The following CDON variants were observed in gnomAD, a reference collection of about 807,000 sequenced individuals.
CDON encodes cell adhesion associated, oncogene regulated.
In CDON, 73 loss-of-function variants were observed where a neutral mutation model predicts 120.9. That is an observed-to-expected ratio of 0.60 (90% CI 0.50 to 0.73). CDON has a LOEUF of 0.73. Ranked by LOEUF, CDON falls within the 30% of genes least tolerant of loss-of-function variation. The probability of loss-of-function intolerance (pLI) is 0.00; values close to 1 mark genes in which losing one functional copy is unlikely to be tolerated. For missense variants in CDON, 1,470 were observed against 1,587.3 expected (o/e 0.93, Z 1.26); for synonymous variants, 566 against 573.5 (o/e 0.99, Z 0.19).
At chr11:126,048,142 T>C (rs1948450672) in intron 1 of CDON, among the ~76,000 whole-genome samples, 1 of 151,930 alleles carries the variant, frequency 6.6e-6, no homozygotes, top group African/African-American at 2.4e-5. Flanking sequence ...CCAGGCATGG[T>C]GGCACACACC....
At chr11:125,964,776 T>C (rs976044169) in intron 18 of CDON, among the ~76,000 whole-genome samples, 3 of 152,304 alleles carry the variant, frequency 2.0e-5, no homozygotes, top group African/African-American at 7.2e-5. Flanking sequence ...TTCTTCCATA[T>C]TGCATCAGAC....
chr11:126,004,178 G>T (rs1051649458), intron 9 of CDON, 102 bp from the exon 10 acceptor site: 61 of 1,186,254 alleles, frequency 5.1e-5, no homozygotes, highest in Non-Finnish European at 6.7e-5. Flanking sequence ...AATTCTAGAA[G>T]AGTTTTAAGA....
At chr11:126,019,264 CA>C (rs751926428) in intron 4 of CDON, among the ~76,000 whole-genome samples, 6 of 152,048 alleles carry the variant, frequency 3.9e-5, no homozygotes, top group Non-Finnish European at 5.9e-5. Flanking sequence ...AAAAGACAAA[CA>C]ATAATAAACT....
chr11:126,010,461 A>G lies in CDON; in HGVS notation c.1432T>C (p.Ser478Pro). 2 of 1,614,096 alleles carry G rather than the reference A, an allele frequency of 1.2e-6. No homozygotes were observed. Among genetic ancestry groups the G allele is most frequent in the Non-Finnish European group, 1.7e-6 (2 of 1,179,990 alleles). The stretch of plus-strand genomic sequence containing the variant: ...TGGAGAGAGCTTGCACCAGCTTGGG[A>G]CAGGACGAAGTACACAGGCTCCAGG... ...LNLEPVYFVL[S>P]QAGASSLHIQ... Residue 478 changes from serine to proline, a missense_variant, in exon 8 of 20, where the codon TCC (serine) becomes CCC (proline). Transcript: ENST00000531738.
Position 125,981,048 on chromosome 11 carries a change from C to T in CDON, c.3276+1G>A. 1 of 1,613,604 alleles carries T rather than the reference C, an allele frequency of 6.2e-7. No homozygotes were observed. Among genetic ancestry groups the T allele is most frequent in the Non-Finnish European group, 8.5e-7 (1 of 1,179,808 alleles). On this transcript the variant is annotated splice_donor_variant, in intron 17 of 19. Coordinates refer to ENST00000531738, the MANE Select transcript of CDON (RefSeq NM_001378964.1). LOFTEE classifies it high-confidence loss of function. ...CTTTTATTTATAGTTAGGTCTCTTA[C>T]ATTCACTAGATGATGAGGATGTTCA... is the stretch of plus-strand genomic sequence containing the variant.
intron 16 of CDON, among the ~76,000 whole-genome samples, chr11:125,982,308 T>C (rs552984): frequency 0.28 from 42,368 of 152,072 alleles, 6,337 homozygotes; most frequent in African/African-American, 0.38. Flanking sequence ...TACAAATGAC[T>C]GCCTCAAAAC....
chr11:126,049,740 CA>C (rs1197156917), intron 1 of CDON, among the ~76,000 whole-genome samples: 2 of 152,194 alleles, frequency 1.3e-5, no homozygotes, highest in Non-Finnish European at 2.9e-5. Context: ...TGTTGTAACA[CA>C]TCCAAGAAAT....
chr11:126,004,055 G>C lies in CDON; in HGVS notation c.1873C>G (p.Leu625Val). 6.2e-7 allele frequency: 1 copy of C among 1,613,834 alleles called. No individual in the cohort carries two copies. Among genetic ancestry groups the C allele is most frequent in the Non-Finnish European group, 8.5e-7 (1 of 1,179,980 alleles). The change falls in exon 10 of 20, where the codon CTG becomes GTG. Residue 625 changes from leucine (L) to valine (V), a missense_variant. Leu to Val is a conservative substitution (Grantham distance 32, BLOSUM62 1). Coordinates refer to ENST00000531738, the MANE Select transcript of CDON (RefSeq NM_001378964.1). The stretch of plus-strand genomic sequence containing the variant: ...ACTCGAACCGTGTGCCAGCTTCCCA[G>C]CATGCCAACCCCATCATCCAGCTGC... The part of the protein sequence containing the change: ...YRKLDDGVGM[L>V]GSWHTVRVPG...
rs556893892 is a variant in CDON, at chr11:126,025,295, G to C, written c.-61-1758C>G. ...TGGTCTCAAACATCGATGAGAAGCA[G>C]AGTAAGATGAGACACCATCAGAAAG... On this transcript the variant is annotated intron_variant, in intron 1 of 19. Transcript: ENST00000531738. Among the ~76,000 whole-genome samples, 3 of 152,290 alleles carry C rather than the reference G, an allele frequency of 2.0e-5. No individual in the cohort carries two copies. In the South Asian group the frequency reaches 6.2e-4, roughly 32 times the overall value.
Position 125,994,315 on chromosome 11 carries a change from A to G in CDON, c.2619T>C (p.Asn873=), listed in dbSNP as rs772022299. Residue 873 remains asparagine, a synonymous_variant, in exon 14 of 20, where the codon AAT becomes AAC. Coordinates refer to ENST00000531738, the MANE Select transcript of CDON (RefSeq NM_001378964.1). ...CAACATCCCTCTTGTAATCACTGTC[A>G]TTGTCACTATCTGTTGGTCGGTAAT... ...YIYYRPTDSD[N]DSDYKRDVVE... is the part of the protein sequence containing the mutation. The G allele has an allele frequency of 4.4e-6, 7 of 1,601,538 alleles. No homozygotes were observed. Among genetic ancestry groups the G allele is most frequent in the Non-Finnish European group, 6.0e-6 (7 of 1,168,710 alleles).
At chr11:126,019,820 C>G in intron 3 of CDON, 55 bp from the exon 4 acceptor site, 2 of 1,518,050 alleles carry the variant, frequency 1.3e-6, no homozygotes, top group Non-Finnish European at 1.8e-6. Context: ...AATTCTTTTT[C>G]CCAAAGGAAA....
chr11:126,055,583 C>T (rs2043436), intron 1 of CDON, among the ~76,000 whole-genome samples: 23,459 of 152,114 alleles, frequency 0.15, 2,174 homozygotes, highest in East Asian at 0.28. Context: ...TCTCTGATAC[C>T]GGCCTTTCTC....
chr11:126,002,976 G>A (rs12276947), intron 10 of CDON, among the ~76,000 whole-genome samples: 45,297 of 151,872 alleles, frequency 0.3, 7,203 homozygotes, highest in East Asian at 0.53. Context: ...CTTTCTCTAG[G>A]GAGACACGTG....
intron 17 of CDON, 56 bp from the exon 18 acceptor site, chr11:125,978,439 TCA>T: frequency 2.7e-6 from 3 of 1,106,574 alleles, no homozygotes; most frequent in Non-Finnish European, 4.1e-6. Context: ...CTGAAGGTAC[TCA>T]CAGACCAGTA....
intron 3 of CDON, 77 bp from the exon 4 acceptor site, chr11:126,019,842 G>A (rs1290350908): frequency 1.5e-6 from 2 of 1,335,272 alleles, no homozygotes; most frequent in Non-Finnish European, 2.1e-6. Flanking sequence ...TTACAAATTA[G>A]AAACAACATC....
chr11:125,973,063 G>T (rs1946050947), intron 18 of CDON, among the ~76,000 whole-genome samples: 1 of 117,750 alleles, frequency 8.5e-6, no homozygotes, highest in Admixed American at 1.1e-4. Flanking sequence ...GACTCATTCA[G>T]ACTCATCTCC....
chr11:125,964,903 T>G (rs1454691892), intron 18 of CDON, among the ~76,000 whole-genome samples: 1 of 152,212 alleles, frequency 6.6e-6, no homozygotes, highest in East Asian at 1.9e-4. Context: ...CCTATATGGC[T>G]GCCACGTTTT....
chr11:126,033,306 T>A (rs1318583142), intron 1 of CDON, among the ~76,000 whole-genome samples: 2 of 151,748 alleles, frequency 1.3e-5, no homozygotes, highest in African/African-American at 4.8e-5. Context: ...TGGAGGTAAG[T>A]GGGGTTCTAA....
At position 125,959,924 on chromosome 11, in the gene CDON, A is replaced by C. The variant is rs1287270109; in HGVS notation, c.*1018T>G. The stretch of plus-strand genomic sequence containing the variant: ...CCCATAGTGGCCATTTTATAAATTA[A>C]TGTAATTTTAAAGCAGTGGGACATG... On this transcript the variant is annotated 3_prime_UTR_variant, in exon 20 of 20. Coordinates refer to ENST00000531738, the MANE Select transcript of CDON (RefSeq NM_001378964.1). 2 of 152,134 alleles carry C rather than the reference A, an allele frequency of 1.3e-5. No homozygotes were observed. Among genetic ancestry groups the C allele is most frequent in the Admixed American group, 6.6e-5 (1 of 15,266 alleles). 9.4% of individuals were successfully genotyped at this position (152,134 alleles called of 1,614,324 possible). A position where few individuals can be genotyped will look rare whatever the true frequency, so the allele number is the denominator to read the frequency against.
Sources: allele counts gnomAD v4.1 joint callset (sites outside exome capture counted in the v4.1 genomes callset), GRCh38; gene constraint gnomAD v4.1.1; transcripts MANE v1.5; gene names NCBI Gene and HGNC (gene_info 2026-07-23, HGNC 2026-07-21).